RNF13: variants seen among roughly 807,000 people sequenced by gnomAD.
The protein encoded by RNF13 is ring finger protein 13, also known as E3 ubiquitin-protein ligase RNF13.
Under a neutral mutation model 37.7 loss-of-function variants are expected in RNF13, and 19 were observed. That is an observed-to-expected ratio of 0.50 (90% CI 0.35 to 0.74). The LOEUF is 0.74. RNF13 is among the 30% of genes least tolerant of loss of function. The probability of loss-of-function intolerance (pLI) is 0.01; values close to 1 mark genes in which losing one functional copy is unlikely to be tolerated. For missense variants in RNF13, 375 were observed against 453.0 expected (o/e 0.83, Z 1.56); for synonymous variants, 144 against 157.8 (o/e 0.91, Z 0.65).
chr3:149,843,021 C>T (rs930056796), intron 1 of RNF13, among the ~76,000 whole-genome samples: 7 of 152,062 alleles, frequency 4.6e-5, no homozygotes, highest in African/African-American at 9.7e-5. Flanking sequence ...GTTCGCCCTC[C>T]GTATCCATGG....
intron 3 of RNF13, among the ~76,000 whole-genome samples, chr3:149,856,651 C>G (rs1723680277): frequency 6.6e-6 from 1 of 152,030 alleles, no homozygotes; most frequent in Admixed American, 6.6e-5. Context: ...CTATGTTTCC[C>G]AGGCTGGTTG....
At chr3:149,915,007 T>G (rs996397545) in intron 7 of RNF13, among the ~76,000 whole-genome samples, 3 of 152,082 alleles carry the variant, frequency 2.0e-5, no homozygotes, top group Admixed American at 6.5e-5. Flanking sequence ...TTGTGCTATA[T>G]TTTTTGGGAA....
chr3:149,887,890 A>G (rs964137337), intron 4 of RNF13, among the ~76,000 whole-genome samples: 2 of 152,240 alleles, frequency 1.3e-5, no homozygotes, highest in African/African-American at 4.8e-5. Context: ...TGTAAGTAAC[A>G]CTATTAACAG....
intron 1 of RNF13, among the ~76,000 whole-genome samples, chr3:149,838,174 C>G (rs759411827): frequency 6.6e-6 from 1 of 152,220 alleles, no homozygotes. Context: ...TCCCTGGTGG[C>G]TTTACAGTGT....
chr3:149,911,957 T>C (rs781763270), intron 6 of RNF13, 21 bp from the exon 7 acceptor site: 9 of 1,195,000 alleles, frequency 7.5e-6, no homozygotes, highest in South Asian at 5.1e-5. Context: ...TTCTCAATTA[T>C]TGATTTTTGT....
intron 1 of RNF13, among the ~76,000 whole-genome samples, chr3:149,842,643 A>G (rs989868880): frequency 6.6e-6 from 1 of 152,238 alleles, no homozygotes; most frequent in African/African-American, 2.4e-5. Context: ...CTATAGGTGT[A>G]ATTAAAGGAA....
chr3:149,903,953 GT>G, intron 6 of RNF13, among the ~76,000 whole-genome samples: 1 of 151,906 alleles, frequency 6.6e-6, no homozygotes. Flanking sequence ...CTGTCTGTCT[GT>G]CTGTCTGTCT....
chr3:149,936,025 GT>G (rs990634090), intron 8 of RNF13, among the ~76,000 whole-genome samples: 27 of 145,878 alleles, frequency 1.9e-4, no homozygotes, highest in East Asian at 4.0e-4. Flanking sequence ...TCAGTTGGCA[GT>G]TTTTTTTTTT....
intron 3 of RNF13, among the ~76,000 whole-genome samples, chr3:149,871,450 A>G (rs56212560): frequency 0.17 from 25,144 of 148,698 alleles, 3,053 homozygotes; most frequent in African/African-American, 0.34. Flanking sequence ...AGTTTAGTGT[A>G]TACAGGTCTT....
intron 8 of RNF13, among the ~76,000 whole-genome samples, chr3:149,941,089 T>A (rs1720212837): frequency 1.3e-5 from 2 of 152,200 alleles, no homozygotes; most frequent in South Asian, 4.1e-4. Context: ...TCCTTTTCCA[T>A]TCGTTGTCAA....
chr3:149,941,336 C>G (rs1720241655), intron 8 of RNF13, among the ~76,000 whole-genome samples: 1 of 152,120 alleles, frequency 6.6e-6, no homozygotes, highest in South Asian at 2.1e-4. Flanking sequence ...CACAAGGGCT[C>G]TCCACATGCT....
Position 149,883,949 on chromosome 3 carries a change from G to A in RNF13, c.322-11524G>A, listed in dbSNP as rs538919994. The stretch of plus-strand genomic sequence containing the variant: ...TCCCACTTATAAGTGAGAACACGTG[G>A]TGTTTGGTTTTCTGTTTCTGCGTTA... On this transcript the variant is annotated intron_variant, in intron 4 of 9. Transcript: ENST00000392894. 8.3e-4 allele frequency among the ~76,000 whole-genome samples: 127 copies of A among 152,306 alleles called. 2 individuals carry two copies. The South Asian group carries it at 0.026, about 31-fold the overall frequency.
chr3:149,918,907 G>A (rs1040389599), intron 7 of RNF13, among the ~76,000 whole-genome samples: 1 of 152,112 alleles, frequency 6.6e-6, no homozygotes, highest in Middle Eastern at 3.4e-3. Flanking sequence ...AATAGCATAT[G>A]ATCGGAATTT....
chr3:149,814,937 T>G (rs778049265), intron 1 of RNF13, among the ~76,000 whole-genome samples: 11 of 152,126 alleles, frequency 7.2e-5, no homozygotes, highest in Non-Finnish European at 1.6e-4. Flanking sequence ...TTATTAGTTT[T>G]TTTTTTTTTA....
intron 7 of RNF13, among the ~76,000 whole-genome samples, chr3:149,919,093 C>A (rs9850592): frequency 0.9 from 136,460 of 152,160 alleles, 61,249 homozygotes; most frequent in African/African-American, 0.93. Flanking sequence ...TTGATATGAA[C>A]ATTTGCATTA....
chr3:149,836,734 A>C (rs909869606), intron 1 of RNF13, among the ~76,000 whole-genome samples: 2 of 152,194 alleles, frequency 1.3e-5, no homozygotes, highest in African/African-American at 4.8e-5. Flanking sequence ...AATAGCTAAA[A>C]GATCTAAGCA....
chr3:149,883,104 C>T (rs1713608115), intron 4 of RNF13, among the ~76,000 whole-genome samples: 1 of 152,054 alleles, frequency 6.6e-6, no homozygotes, highest in South Asian at 2.1e-4. Flanking sequence ...ATAATATAAA[C>T]TACATGTTTA....
At chr3:149,948,774 C>T (rs556155941) in intron 8 of RNF13, among the ~76,000 whole-genome samples, 29 of 152,246 alleles carry the variant, frequency 1.9e-4, no homozygotes, top group Admixed American at 7.2e-4. Flanking sequence ...TGGCTGTAAT[C>T]GCAGCACTTT....
chr3:149,943,653 T>TA (rs1254575100), intron 8 of RNF13, among the ~76,000 whole-genome samples: 14 of 152,174 alleles, frequency 9.2e-5, no homozygotes, highest in Admixed American at 5.2e-4. Context: ...TTCACTGCCC[T>TA]AGCAATCCTC....
Sources: allele counts gnomAD v4.1 joint callset (sites outside exome capture counted in the v4.1 genomes callset), GRCh38; gene constraint gnomAD v4.1.1; transcripts MANE v1.5; gene names NCBI Gene and HGNC (gene_info 2026-07-23, HGNC 2026-07-21).